GIMAP1: variants seen among roughly 807,000 people sequenced by gnomAD.
GIMAP1 encodes GTPase, IMAP family member 1, also known as GTPase IMAP family member 1.
For missense variants in GIMAP1, 423 were observed against 411.9 expected (o/e 1.03, Z -0.23); for synonymous variants, 230 against 187.7 (o/e 1.23, Z -1.84).
Position 150,716,935 on chromosome 7 carries a change from C to T in GIMAP1, c.-7+245C>T, listed in dbSNP as rs1797225266. ...CTTGGTGGGGAGTGAAATCTGTCTC[C>T]TCCCACATTCCCTTAACAAAGTAAG... On this transcript the variant is annotated intron_variant, in intron 1 of 2. Coordinates refer to ENST00000307194, the MANE Select transcript of GIMAP1 (RefSeq NM_130759.4). 3.3e-5 allele frequency among the ~76,000 whole-genome samples: 5 copies of T among 152,240 alleles called. No individual in the cohort carries two copies. The South Asian group carries it at 1.0e-3, about 32-fold the overall frequency.
At chr7:150,718,529 G>T (rs1489061279) in intron 1 of GIMAP1, among the ~76,000 whole-genome samples, 1 of 152,076 alleles carries the variant, frequency 6.6e-6, no homozygotes, top group Admixed American at 6.5e-5. Flanking sequence ...GGTTCTGAGG[G>T]TTTACCTAAT....
chr7:150,720,614 C>T lies in GIMAP1; in HGVS notation c.610C>T (p.Leu204=), dbSNP rs931574662. Reference sequence around the variant, plus strand: ...GGAGCAGGAAGCCCAGGTGGAGCAGCTGCTGGGGATGGTCGAGGGCTTGGT... The same window carrying T: ...GGAGCAGGAAGCCCAGGTGGAGCAGTTGCTGGGGATGGTCGAGGGCTTGGT... ...GREQEAQVEQ[L]LGMVEGLVLE... The change falls in exon 3 of 3, where the codon CTG becomes TTG. Residue 204 remains leucine (L), a synonymous_variant. Coordinates refer to ENST00000307194, the MANE Select transcript of GIMAP1 (RefSeq NM_130759.4). The surrounding 1 kb of genome is among the most constrained non-coding windows in gnomAD (Gnocchi z 4.5). 1 of 1,613,498 alleles carries T rather than the reference C, an allele frequency of 6.2e-7. No homozygotes were observed. The highest frequency in any genetic ancestry group is 8.5e-7 in the Non-Finnish European group (1 of 1,179,744).
Position 150,720,683 on chromosome 7 carries a change from C to A in GIMAP1, c.679C>A (p.Leu227Met). 1 of 1,596,520 alleles carries A rather than the reference C, an allele frequency of 6.3e-7. No homozygotes were observed. Among genetic ancestry groups the A allele is most frequent in the East Asian group, 2.3e-5 (1 of 43,970 alleles). The change falls in exon 3 of 3, where the codon CTG becomes ATG. Residue 227 changes from leucine (L) to methionine (M), a missense_variant. Transcript: ENST00000307194. This position sits in a 1 kb window ranked among gnomAD's most constrained non-coding sequence, Gnocchi z 4.5. ...GAHYSNEVYE[L>M]AQVLRWAGPE... is the part of the protein sequence containing the mutation. The stretch of plus-strand genomic sequence containing the variant: ...CCATTACTCCAACGAGGTGTATGAG[C>A]TGGCGCAGGTGCTGCGCTGGGCAGG...
chr7:150,721,219 A>C lies in GIMAP1; in HGVS notation c.*294A>C. ...GTCAAGTAGCTTGTAGTGGGGACAA[A>C]CGCATGGCACAGGGAAAACAAGTGC... On this transcript the variant is annotated 3_prime_UTR_variant, in exon 3 of 3. Coordinates refer to ENST00000307194, the MANE Select transcript of GIMAP1 (RefSeq NM_130759.4). 3.4e-6 allele frequency: 1 copy of C among 296,220 alleles called. No individual in the cohort carries two copies. Among genetic ancestry groups the C allele is most frequent in the East Asian group, 5.8e-5 (1 of 17,202 alleles). 18.3% of individuals were successfully genotyped at this position (296,220 alleles called of 1,614,324 possible). A position where few individuals can be genotyped will look rare whatever the true frequency, so the allele number is the denominator to read the frequency against.
In GIMAP1 at chr7:150,720,902, G is replaced by A. The variant is rs752300708; in HGVS notation, c.898G>A (p.Val300Ile). The part of the protein sequence containing the change: ...VLLHRRWSEA[V>I]AEVGPD Reference sequence around the variant, plus strand: ...GCTCCACAGGCGGTGGTCGGAGGCCGTTGCGGAGGTCGGGCCTGACTGACA... The same window carrying A: ...GCTCCACAGGCGGTGGTCGGAGGCCATTGCGGAGGTCGGGCCTGACTGACA... Residue 300 changes from valine to isoleucine, a missense_variant, in exon 3 of 3, where the codon GTT becomes ATT. Coordinates refer to ENST00000307194, the MANE Select transcript of GIMAP1 (RefSeq NM_130759.4). The surrounding 1 kb of genome is among the most constrained non-coding windows in gnomAD (Gnocchi z 4.5). 5.1e-6 allele frequency: 8 copies of A among 1,582,128 alleles called. No individual in the cohort carries two copies. In the African/African-American group the frequency reaches 6.8e-5, roughly 13 times the overall value.
rs940508215 is a variant in GIMAP1 at position 150,719,239 on chromosome 7, A to G, written c.43+149A>G. On this transcript the variant is annotated intron_variant, in intron 2 of 2. Transcript: ENST00000307194. ...AAACAGCACCAGCCCTGAGATCTGCATTTTAGCTGGATCTCTGCTGTGAGA... is the reference window on the plus strand; with the variant it reads ...AAACAGCACCAGCCCTGAGATCTGCGTTTTAGCTGGATCTCTGCTGTGAGA... 1.8e-5 allele frequency: 16 copies of G among 912,188 alleles called. No homozygotes were observed. In the South Asian group the frequency reaches 2.4e-4, roughly 13 times the overall value. The allele number at this position is 912,188 out of a possible 1,614,324, so 56.5% of individuals were successfully genotyped here.
At position 150,720,913 on chromosome 7, in the gene GIMAP1, C is replaced by G. The variant is rs573193854; in HGVS notation, c.909C>G (p.Val303=). The G allele has an allele frequency of 2.9e-5, 45 of 1,566,352 alleles. No homozygotes were observed. The highest frequency in any genetic ancestry group is 2.0e-5 in the Non-Finnish European group (23 of 1,162,718). The part of the protein sequence containing the change: ...HRRWSEAVAE[V]GPD ...GGTGGTCGGAGGCCGTTGCGGAGGT[C>G]GGGCCTGACTGACAGCGCAGGTCCT... The change falls in exon 3 of 3, where the codon GTC becomes GTG. Residue 303 remains valine (V), a synonymous_variant. Coordinates refer to ENST00000307194, the MANE Select transcript of GIMAP1 (RefSeq NM_130759.4). This position sits in a 1 kb window ranked among gnomAD's most constrained non-coding sequence, Gnocchi z 4.5.
At chr7:150,717,428 C>T (rs1797232791) in intron 1 of GIMAP1, among the ~76,000 whole-genome samples, 1 of 152,190 alleles carries the variant, frequency 6.6e-6, no homozygotes, top group Non-Finnish European at 1.5e-5. Flanking sequence ...AGAAGCAGCA[C>T]ATTTGAGCGG....
chr7:150,719,112 T>C, intron 2 of GIMAP1, 22 bp downstream of exon 2: 1 of 1,614,062 alleles, frequency 6.2e-7, no homozygotes, highest in Non-Finnish European at 8.5e-7. Context: ...TCTCTACACC[T>C]CATACTTGCC....
Position 150,720,009 on chromosome 7 carries a change from G to T in GIMAP1, c.44-39G>T. On this transcript the variant is annotated intron_variant, in intron 2 of 2. Transcript: ENST00000307194. This position sits in a 1 kb window ranked among gnomAD's most constrained non-coding sequence, Gnocchi z 4.5. ...AGATTCCAGTTCCCAAGGGGAAGTT[G>T]GTTAAACTTAAGTAAGATTATAACA... 6.6e-7 allele frequency: 1 copy of T among 1,512,586 alleles called. No homozygotes were observed. Among genetic ancestry groups the T allele is most frequent in the South Asian group, 1.3e-5 (1 of 75,900 alleles). The allele number at this position is 1,512,586 out of a possible 1,614,324, so 93.7% of individuals were successfully genotyped here. A position where few individuals can be genotyped will look rare whatever the true frequency, so the allele number is the denominator to read the frequency against.
rs1217235300 is a variant in GIMAP1, at chr7:150,719,052, G to C, written c.5G>C (p.Gly2Ala). 6.2e-7 allele frequency: 1 copy of C among 1,614,196 alleles called. No individual in the cohort carries two copies. Among genetic ancestry groups the C allele is most frequent in the South Asian group, 1.1e-5 (1 of 91,082 alleles). Residue 2 changes from glycine to alanine, a missense_variant, in exon 2 of 3, where the codon GGA (glycine) becomes GCA (alanine). By Grantham distance (60) the Gly-to-Ala change is moderately conservative. Coordinates refer to ENST00000307194, the MANE Select transcript of GIMAP1 (RefSeq NM_130759.4). Reference sequence around the variant, plus strand: ...TTGGGACTCTTCCAGGTAAGCATGGGAGGAAGGAAGATGGCGACAGATGAA... The same window carrying C: ...TTGGGACTCTTCCAGGTAAGCATGGCAGGAAGGAAGATGGCGACAGATGAA... MGGRKMATDEEN... is the reference protein window; with the variant it reads MAGRKMATDEEN...
Position 150,720,502 on chromosome 7 carries a change from G to T in GIMAP1, c.498G>T (p.Val166=). Reference sequence around the variant, plus strand: ...CCGGGGGCTCCCTGCACGATTACGTGAGCAACACAGAGAACCGGGCCTTGC... The same window carrying T: ...CCGGGGGCTCCCTGCACGATTACGTTAGCAACACAGAGAACCGGGCCTTGC... ...DLAGGSLHDY[V]SNTENRALRE... Residue 166 remains valine, a synonymous_variant, in exon 3 of 3, where the codon GTG becomes GTT. Transcript: ENST00000307194. This position sits in a 1 kb window ranked among gnomAD's most constrained non-coding sequence, Gnocchi z 4.5. 6.3e-7 allele frequency: 1 copy of T among 1,590,626 alleles called. No individual in the cohort carries two copies. Among genetic ancestry groups the T allele is most frequent in the Non-Finnish European group, 8.6e-7 (1 of 1,168,504 alleles).
In GIMAP1 at chr7:150,720,862, C is replaced by T. The variant is rs768063340; in HGVS notation, c.858C>T (p.Leu286=). 1.9e-6 allele frequency: 3 copies of T among 1,605,354 alleles called. No homozygotes were observed. The African/African-American group carries it at 4.0e-5, about 21-fold the overall frequency. ...TGGCCCTGCTGCTGGGGGGCGCGCTCCTGTTCTGGGTGCTGCTCCACAGGC... is the reference window on the plus strand; with the variant it reads ...TGGCCCTGCTGCTGGGGGGCGCGCTTCTGTTCTGGGTGCTGCTCCACAGGC... ...LGLALLLGGA[L]LFWVLLHRRW... The change falls in exon 3 of 3, where the codon CTC becomes CTT. Residue 286 remains leucine, a synonymous_variant. Coordinates refer to ENST00000307194, the MANE Select transcript of GIMAP1 (RefSeq NM_130759.4). The surrounding 1 kb of genome is among the most constrained non-coding windows in gnomAD (Gnocchi z 4.5).
At chr7:150,718,339 T>C (rs1328153240) in intron 1 of GIMAP1, among the ~76,000 whole-genome samples, 1 of 152,192 alleles carries the variant, frequency 6.6e-6, no homozygotes, top group Non-Finnish European at 1.5e-5. Context: ...CCAGCACAGA[T>C]ATCGTATTTA....
intron 2 of GIMAP1, 105 bp downstream of exon 2, chr7:150,719,195 G>T (rs1048308938): frequency 1.5e-5 from 21 of 1,427,522 alleles, no homozygotes; most frequent in Non-Finnish European, 2.0e-5. Flanking sequence ...AGTTCCAGAG[G>T]TGTCTCAACT....
chr7:150,722,141 G>C lies in GIMAP1; in HGVS notation c.*1216G>C, dbSNP rs1166247536. 1 of 152,198 alleles carries C rather than the reference G, an allele frequency of 6.6e-6. No individual in the cohort carries two copies. The highest frequency in any genetic ancestry group is 1.5e-5 in the Non-Finnish European group (1 of 68,052). The allele number at this position is 152,198 out of a possible 1,614,324, so 9.4% of individuals were successfully genotyped here. A position where few individuals can be genotyped will look rare whatever the true frequency, so the allele number is the denominator to read the frequency against. ...ATAGGATTTCCTTATTTCTATTTCT[G>C]AGCATAATGAGAACCCTTTAAGGGA... On this transcript the variant is annotated 3_prime_UTR_variant, in exon 3 of 3. Transcript: ENST00000307194.
intron 1 of GIMAP1, among the ~76,000 whole-genome samples, chr7:150,717,084 C>T (rs1305558739): frequency 3.9e-5 from 6 of 152,182 alleles, no homozygotes; most frequent in South Asian, 2.1e-4. Flanking sequence ...CATCTAACCT[C>T]GGAGTGAGTT....
intron 1 of GIMAP1, among the ~76,000 whole-genome samples, chr7:150,718,106 C>A (rs1797243279): frequency 6.6e-6 from 1 of 152,114 alleles, no homozygotes; most frequent in Non-Finnish European, 1.5e-5. Flanking sequence ...TGGAAAGGCC[C>A]TGAAATCTGC....
rs756902018 is a variant in GIMAP1, at chr7:150,720,619, G to A, written c.615G>A (p.Leu205=). 14 of 1,613,282 alleles carry A rather than the reference G, an allele frequency of 8.7e-6. No homozygotes were observed. The South Asian group carries it at 1.2e-4, about 14-fold the overall frequency. Residue 205 remains leucine, a synonymous_variant, in exon 3 of 3, where the codon CTG becomes CTA. Coordinates refer to ENST00000307194, the MANE Select transcript of GIMAP1 (RefSeq NM_130759.4). This position sits in a 1 kb window ranked among gnomAD's most constrained non-coding sequence, Gnocchi z 4.5. The part of the protein sequence containing the change: ...REQEAQVEQL[L]GMVEGLVLEH... ...AGGAAGCCCAGGTGGAGCAGCTGCT[G>A]GGGATGGTCGAGGGCTTGGTGCTGG...
Sources: gnomAD v4.1 joint callset for allele counts (sites outside exome capture counted in the v4.1 genomes callset) on GRCh38, gnomAD v4.1.1 for gene constraint, Gnocchi (gnomAD v3.1) non-coding constraint, MANE v1.5 for transcripts, NCBI Gene and HGNC (gene_info 2026-07-23, HGNC 2026-07-21) for gene names.